Variants in KCNH1 observed in about 807,000 individuals in gnomAD.
KCNH1 encodes potassium voltage-gated channel subfamily H member 1.
KCNH1 carries 27 observed loss-of-function variants against 69.2 expected under a neutral mutation model. That is an observed-to-expected ratio of 0.39 (90% CI 0.29 to 0.54). KCNH1 has a LOEUF of 0.54. KCNH1 is among the 20% of genes least tolerant of loss of function. The pLI is 0.68. For missense variants in KCNH1, 798 were observed against 1,261.6 expected (o/e 0.63, Z 5.57); for synonymous variants, 456 against 487.7 (o/e 0.93, Z 0.86).
At chr1:210,725,381 G>A (rs1277588114) in intron 10 of KCNH1, among the ~76,000 whole-genome samples, 2 of 152,150 alleles carry the variant, frequency 1.3e-5, no homozygotes, top group Admixed American at 6.5e-5. Context: ...TCTAGATACT[G>A]CCCTATACAC....
intron 10 of KCNH1, among the ~76,000 whole-genome samples, chr1:210,704,793 T>A (rs1007443349): frequency 6.6e-6 from 1 of 152,236 alleles, no homozygotes; most frequent in Admixed American, 6.5e-5. Flanking sequence ...TAATTTGGTC[T>A]TTTATTTAAA....
intron 6 of KCNH1, among the ~76,000 whole-genome samples, chr1:211,015,115 C>T (rs1431299525): frequency 6.6e-6 from 1 of 152,136 alleles, no homozygotes; most frequent in African/African-American, 2.4e-5. Flanking sequence ...CTTTAACTGC[C>T]CATGTCATCC....
At chr1:211,108,292 C>G (rs1315340824) in intron 1 of KCNH1, among the ~76,000 whole-genome samples, 2 of 152,174 alleles carry the variant, frequency 1.3e-5, no homozygotes, top group African/African-American at 4.8e-5. Context: ...TTTGGCCCTT[C>G]CTTTCCACAG....
In KCNH1 at chr1:210,954,984, T is replaced by C. The variant is rs1238942384; in HGVS notation, c.1033-34915A>G. Among the ~76,000 whole-genome samples the C allele has an allele frequency of 2.0e-5, 3 of 152,252 alleles. No individual in the cohort carries two copies. In the East Asian group the frequency reaches 5.8e-4, roughly 29 times the overall value. On this transcript the variant is annotated intron_variant, in intron 6 of 10. Transcript: ENST00000271751. Reference sequence around the variant, plus strand: ...CTCATGAAGTCTTTGCCCATGCCTATGTCCTGAATGGTATTGCCTAGGTTT... The same window carrying C: ...CTCATGAAGTCTTTGCCCATGCCTACGTCCTGAATGGTATTGCCTAGGTTT...
At chr1:211,127,476 A>G (rs1691798197) in intron 1 of KCNH1, among the ~76,000 whole-genome samples, 1 of 152,046 alleles carries the variant, frequency 6.6e-6, no homozygotes, top group African/African-American at 2.4e-5. Flanking sequence ...CCCTTTGCAC[A>G]TAATTCAAAC....
chr1:210,755,849 AGTG>A (rs1683388421), intron 10 of KCNH1, among the ~76,000 whole-genome samples: 1 of 152,220 alleles, frequency 6.6e-6, no homozygotes, highest in South Asian at 2.1e-4. Context: ...CCCACAGTGA[AGTG>A]AAAACCAAAG....
At chr1:210,862,054 A>G in intron 7 of KCNH1, 2 of 795,322 alleles carry the variant, frequency 2.5e-6, no homozygotes, top group East Asian at 2.4e-5. Flanking sequence ...ATAAGGGGAT[A>G]TATACTTTTG....
chr1:210,780,978 T>C (rs954279253), intron 9 of KCNH1, among the ~76,000 whole-genome samples: 4 of 152,094 alleles, frequency 2.6e-5, no homozygotes, highest in African/African-American at 9.6e-5. Flanking sequence ...ACCCGGGAGA[T>C]GGAGCTTGCA....
intron 10 of KCNH1, among the ~76,000 whole-genome samples, chr1:210,770,208 T>TG (rs1004213872): frequency 3.5e-4 from 52 of 150,036 alleles, no homozygotes; most frequent in African/African-American, 9.6e-4. Flanking sequence ...GTTTGGGGTG[T>TG]GGGGGGGTCA....
intron 5 of KCNH1, among the ~76,000 whole-genome samples, chr1:211,076,731 A>C (rs1459783924): frequency 1.3e-5 from 2 of 152,252 alleles, no homozygotes; most frequent in Admixed American, 1.3e-4. Context: ...CCTCGCCAGC[A>C]ATGGAACAAA....
chr1:211,026,573 T>C (rs1204135714), intron 5 of KCNH1, among the ~76,000 whole-genome samples: 1 of 152,044 alleles, frequency 6.6e-6, no homozygotes, highest in African/African-American at 2.4e-5. Context: ...AGCCTAGACT[T>C]CCCCTTTCTC....
intron 6 of KCNH1, among the ~76,000 whole-genome samples, chr1:210,936,977 A>G (rs536834544): frequency 2.6e-5 from 4 of 151,598 alleles, no homozygotes; most frequent in African/African-American, 4.9e-5. Flanking sequence ...CCAGCTATCA[A>G]CTCTGCAGAT....
intron 5 of KCNH1, among the ~76,000 whole-genome samples, chr1:211,034,952 A>G (rs1689867534): frequency 6.6e-6 from 1 of 152,130 alleles, no homozygotes; most frequent in African/African-American, 2.4e-5. Flanking sequence ...AGTTTGATAT[A>G]ATCTATAATT....
chr1:210,740,704 A>AT (rs199727493), intron 10 of KCNH1, among the ~76,000 whole-genome samples: 2,109 of 117,218 alleles, frequency 0.018, 27 homozygotes, highest in Non-Finnish European at 0.025. Context: ...TTATGATTAA[A>AT]TTTTTTTTTT....
intron 10 of KCNH1, among the ~76,000 whole-genome samples, chr1:210,768,742 C>A (rs897897840): frequency 5.9e-5 from 9 of 152,142 alleles, no homozygotes; most frequent in Non-Finnish European, 1.3e-4. Context: ...TTAAAAATAG[C>A]CAGACATAGC....
At chr1:211,000,030 T>A (rs939708383) in intron 6 of KCNH1, among the ~76,000 whole-genome samples, 1 of 152,126 alleles carries the variant, frequency 6.6e-6, no homozygotes, top group Non-Finnish European at 1.5e-5. Flanking sequence ...ATAAGAGCTA[T>A]CTATGACAAA....
chr1:210,785,537 AC>A (rs1461556276), intron 9 of KCNH1, among the ~76,000 whole-genome samples: 4 of 151,912 alleles, frequency 2.6e-5, no homozygotes, highest in African/African-American at 9.7e-5. Context: ...GGCACCTACC[AC>A]CACATCTGGG....
At chr1:210,882,550 C>T (rs1015955223) in intron 7 of KCNH1, among the ~76,000 whole-genome samples, 1 of 152,154 alleles carries the variant, frequency 6.6e-6, no homozygotes, top group African/African-American at 2.4e-5. Flanking sequence ...CCAGAACAGG[C>T]TCACATGACA....
At chr1:211,107,142 G>A (rs1003000801) in intron 2 of KCNH1, 112 bp downstream of exon 2, 14 of 1,186,314 alleles carry the variant, frequency 1.2e-5, no homozygotes, top group Non-Finnish European at 1.7e-5. Flanking sequence ...AAATTTTCCT[G>A]TGAATACACA....
Sources: gnomAD v4.1 joint callset for allele counts (sites outside exome capture counted in the v4.1 genomes callset) on GRCh38, gnomAD v4.1.1 for gene constraint, MANE v1.5 for transcripts, NCBI Gene and HGNC (gene_info 2026-07-23, HGNC 2026-07-21) for gene names.